Variants in ZFAT observed in about 807,000 individuals in gnomAD.
The protein encoded by ZFAT is zinc finger protein ZFAT.
ZFAT carries 64 observed loss-of-function variants against 117.7 expected under a neutral mutation model. That is an observed-to-expected ratio of 0.54 (90% CI 0.44 to 0.67). The LOEUF is 0.67. Ranked by LOEUF, ZFAT falls within the 30% of genes least tolerant of loss-of-function variation. ZFAT has a pLI of 0.00. For synonymous variants in ZFAT, 679 were observed against 615.0 expected (o/e 1.10, Z -1.54); for missense variants, 1,433 against 1,584.5 (o/e 0.90, Z 1.62).
chr8:134,687,206 A>T (rs1183817312), intron 1 of ZFAT, among the ~76,000 whole-genome samples: 1 of 152,224 alleles, frequency 6.6e-6, no homozygotes, highest in Non-Finnish European at 1.5e-5. Context: ...AATGATTATC[A>T]TGCATCTCAT....
chr8:134,495,943 A>G (rs931996988), intron 15 of ZFAT, among the ~76,000 whole-genome samples: 1 of 152,070 alleles, frequency 6.6e-6, no homozygotes, highest in African/African-American at 2.4e-5. Flanking sequence ...GAAAAAAAAA[A>G]AGTTGGTGTC....
intron 15 of ZFAT, among the ~76,000 whole-genome samples, chr8:134,496,443 C>T (rs1016447958): frequency 3.9e-5 from 6 of 152,168 alleles, no homozygotes; most frequent in African/African-American, 7.2e-5. Flanking sequence ...GCTGTCCATC[C>T]GGGGCAGGGG....
At chr8:134,708,913 T>C (rs1422557938) in intron 1 of ZFAT, among the ~76,000 whole-genome samples, 4 of 152,128 alleles carry the variant, frequency 2.6e-5, no homozygotes, top group Admixed American at 1.3e-4. Context: ...GATCACACCA[T>C]TGTGCTCCAG....
Position 134,575,107 on chromosome 8 carries a change from G to A in ZFAT, c.2887+8725C>T, listed in dbSNP as rs114533494. Reference sequence around the variant, plus strand: ...CACCAGAGGAATGGGTACATGAGCTGACATCCATAGTATGAACCCAATTAA... The same window carrying A: ...CACCAGAGGAATGGGTACATGAGCTAACATCCATAGTATGAACCCAATTAA... On this transcript the variant is annotated intron_variant, in intron 10 of 15. Transcript: ENST00000377838. Among the ~76,000 whole-genome samples, 1,097 of 152,264 alleles carry A rather than the reference G, an allele frequency of 7.2e-3. 12 individuals carry two copies. The highest frequency in any genetic ancestry group is 0.026 in the African/African-American group (1,069 of 41,544).
In ZFAT at chr8:134,698,280, C is replaced by A. The variant is rs116274259; in HGVS notation, c.19+14565G>T. On this transcript the variant is annotated intron_variant, in intron 1 of 15. Transcript: ENST00000377838. The stretch of plus-strand genomic sequence containing the variant: ...GGTGGAGCTGAGTGAGCTGAGATCA[C>A]GCCACTTCACTCCAGCCTGGGTGAA... Among the ~76,000 whole-genome samples, 937 of 150,224 alleles carry A rather than the reference C, an allele frequency of 6.2e-3. 11 individuals carry two copies. Among genetic ancestry groups the A allele is most frequent in the African/African-American group, 0.021 (875 of 40,752 alleles).
chr8:134,814,322 T>C, the ZFAT span, among the ~76,000 whole-genome samples: 1 of 152,200 alleles, frequency 6.6e-6, no homozygotes, highest in African/African-American at 2.4e-5. Context: ...CCTTTCAGGA[T>C]TTTTCAAAAT....
the ZFAT span, among the ~76,000 whole-genome samples, chr8:134,807,319 C>A: frequency 1.3e-5 from 2 of 152,132 alleles, no homozygotes; most frequent in African/African-American, 2.4e-5. Flanking sequence ...GAATACAAGC[C>A]ATTATCTCCC....
At chr8:134,802,084 T>C in the ZFAT span, among the ~76,000 whole-genome samples, 2 of 152,164 alleles carry the variant, frequency 1.3e-5, no homozygotes, top group Admixed American at 6.5e-5. Flanking sequence ...ACCAAACCTG[T>C]TGGAAAGCTA....
the ZFAT span, among the ~76,000 whole-genome samples, chr8:134,727,458 TG>T: frequency 1.3e-5 from 2 of 152,210 alleles, no homozygotes; most frequent in African/African-American, 4.8e-5. Context: ...TCTCTCTCTC[TG>T]ATCATTGAAG....
intron 13 of ZFAT, among the ~76,000 whole-genome samples, chr8:134,516,237 G>T (rs868283822): frequency 2.7e-4 from 41 of 152,240 alleles, no homozygotes; most frequent in Admixed American, 1.2e-3. Flanking sequence ...TCTGTAAATT[G>T]GTCACTGGAT....
intron 1 of ZFAT, among the ~76,000 whole-genome samples, chr8:134,668,512 G>A (rs577792349): frequency 8.7e-4 from 133 of 152,350 alleles, no homozygotes; most frequent in African/African-American, 3.0e-3. Flanking sequence ...TGGACCTCCA[G>A]CAAACTCCAA....
intron 1 of ZFAT, among the ~76,000 whole-genome samples, chr8:134,678,283 G>T (rs2131289464): frequency 6.6e-6 from 1 of 152,082 alleles, no homozygotes; most frequent in African/African-American, 2.4e-5. Flanking sequence ...AAAATCACAA[G>T]CATTCCTATA....
chr8:134,692,763 GAGA>G (rs886386478), intron 1 of ZFAT, among the ~76,000 whole-genome samples: 7 of 152,244 alleles, frequency 4.6e-5, no homozygotes, highest in Admixed American at 6.5e-5. Flanking sequence ...TCGGGCTAAA[GAGA>G]AGAAGAGCTC....
intron 15 of ZFAT, among the ~76,000 whole-genome samples, chr8:134,479,945 CCA>C (rs1817175183): frequency 6.7e-6 from 1 of 149,756 alleles, no homozygotes; most frequent in Non-Finnish European, 1.5e-5. Flanking sequence ...CTTCATTCAA[CCA>C]CACTTTTTTT....
chr8:134,689,067 T>C (rs1319380140), intron 1 of ZFAT, among the ~76,000 whole-genome samples: 1 of 152,192 alleles, frequency 6.6e-6, no homozygotes, highest in Non-Finnish European at 1.5e-5. Flanking sequence ...ACTCCAGACC[T>C]GACTGAAGAC....
intron 15 of ZFAT, among the ~76,000 whole-genome samples, chr8:134,480,456 G>A (rs114731682): frequency 2.6e-5 from 4 of 152,346 alleles, no homozygotes; most frequent in African/African-American, 9.6e-5. Context: ...CACACAGCAT[G>A]TGCTCAATAT....
the ZFAT span, among the ~76,000 whole-genome samples, chr8:134,826,883 A>G: frequency 6.6e-6 from 1 of 152,242 alleles, no homozygotes; most frequent in Non-Finnish European, 1.5e-5. Context: ...TTACAAATGA[A>G]CTTTGTATTG....
At chr8:134,748,869 G>A in the ZFAT span, among the ~76,000 whole-genome samples, 1 of 151,896 alleles carries the variant, frequency 6.6e-6, no homozygotes, top group Admixed American at 6.6e-5. Flanking sequence ...CTTCTTGTGA[G>A]GTACATGTTC....
the ZFAT span, among the ~76,000 whole-genome samples, chr8:134,811,741 T>A: frequency 2.0e-5 from 3 of 152,228 alleles, no homozygotes; most frequent in African/African-American, 7.2e-5. Flanking sequence ...AGGAAAGCAG[T>A]ATTAGATACC....
Sources: allele counts gnomAD v4.1 joint callset (sites outside exome capture counted in the v4.1 genomes callset), GRCh38; gene constraint gnomAD v4.1.1; transcripts MANE v1.5; gene names NCBI Gene and HGNC (gene_info 2026-07-23, HGNC 2026-07-21).